DZIP1: variants seen among roughly 807,000 people sequenced by gnomAD.
The protein encoded by DZIP1 is DAZ interacting zinc finger protein 1.
DZIP1 carries 97 observed loss-of-function variants against 107.6 expected under a neutral mutation model. The observed-to-expected ratio is 0.90, with a 90% CI of 0.77 to 1.07. The LOEUF is 1.07. Among genes scored for constraint, DZIP1 ranks in the 50% least tolerant of loss-of-function variants. The pLI is 0.00. For missense variants in DZIP1, 1,035 were observed against 1,063.6 expected (o/e 0.97, Z 0.37); for synonymous variants, 390 against 386.4 (o/e 1.01, Z -0.11).
At position 95,597,902 on chromosome 13, in the gene DZIP1, G is replaced by A. The variant is rs191758434; in HGVS notation, c.1537+1463C>T. Among the ~76,000 whole-genome samples the A allele has an allele frequency of 2.1e-3, 320 of 152,244 alleles. 1 individual carries two copies. The highest frequency in any genetic ancestry group is 3.6e-3 in the Admixed American group (55 of 15,306). On this transcript the variant is annotated intron_variant, in intron 15 of 22. Transcript: ENST00000376829. Reference sequence around the variant, plus strand: ...AATAGTGCAGCTTGAACAAGTCAGCGTCTGTGGAATCGATTCAGCCTGCAG... The same window carrying A: ...AATAGTGCAGCTTGAACAAGTCAGCATCTGTGGAATCGATTCAGCCTGCAG...
intron 6 of DZIP1, chr13:95,630,952 C>A: frequency 3.4e-6 from 1 of 295,588 alleles, no homozygotes; most frequent in Non-Finnish European, 6.6e-6. Context: ...TTTCATCTTT[C>A]CAAAATATTG....
Position 95,578,275 on chromosome 13 carries a change from A to C in DZIP1, c.*3959T>G. On this transcript the variant is annotated 3_prime_UTR_variant, in exon 23 of 23. Transcript: ENST00000376829. ...TTTTCTACATTTATATAGAACATGA[A>C]AAGCATTTAGTACCAAAGGTTCAAG... is the stretch of plus-strand genomic sequence containing the variant. 3.7e-6 allele frequency: 1 copy of C among 269,036 alleles called. No homozygotes were observed. The highest frequency in any genetic ancestry group is 7.0e-6 in the Non-Finnish European group (1 of 142,152). 16.7% of individuals were successfully genotyped at this position (269,036 alleles called of 1,614,324 possible).
chr13:95,604,869 T>G (rs1283157246), intron 14 of DZIP1, among the ~76,000 whole-genome samples: 2 of 152,202 alleles, frequency 1.3e-5, no homozygotes, highest in Non-Finnish European at 2.9e-5. Flanking sequence ...GAATACAGAA[T>G]GATTGCTAGA....
intron 17 of DZIP1, 147 bp downstream of exon 17, chr13:95,590,132 A>G: frequency 9.7e-7 from 1 of 1,028,594 alleles, no homozygotes. Flanking sequence ...TAGTACAAAC[A>G]GTAAAAGAGT....
intron 10 of DZIP1, among the ~76,000 whole-genome samples, chr13:95,616,434 A>G (rs925986424): frequency 3.9e-5 from 6 of 152,200 alleles, no homozygotes; most frequent in Admixed American, 3.9e-4. Context: ...GTGAGTGCCA[A>G]CCACATTTCA....
intron 10 of DZIP1, among the ~76,000 whole-genome samples, chr13:95,616,633 A>G (rs898062629): frequency 4.6e-5 from 7 of 152,212 alleles, no homozygotes; most frequent in African/African-American, 1.7e-4. Flanking sequence ...GGGACTACCT[A>G]CTTGGATAGA....
At chr13:95,602,160 A>T (rs1455693359) in intron 14 of DZIP1, among the ~76,000 whole-genome samples, 1 of 152,126 alleles carries the variant, frequency 6.6e-6, no homozygotes, top group Non-Finnish European at 1.5e-5. Flanking sequence ...AACGCCCTCA[A>T]CCAACCTCAC....
chr13:95,595,214 AC>A (rs2044413113), intron 15 of DZIP1, among the ~76,000 whole-genome samples: 1 of 152,198 alleles, frequency 6.6e-6, no homozygotes, highest in African/African-American at 2.4e-5. Flanking sequence ...TAATACCCAT[AC>A]TACTTGGATT....
rs1309515850 is a variant in DZIP1 at position 95,580,684 on chromosome 13, A to G, written c.*1550T>C. On this transcript the variant is annotated 3_prime_UTR_variant, in exon 23 of 23. Coordinates refer to ENST00000376829, the MANE Select transcript of DZIP1 (RefSeq NM_198968.4). ...AAAACCAAACCAGACCAAGTGGTTC[A>G]ATAAATATCTGCTGAATAAATAAAT... 2.0e-5 allele frequency: 3 copies of G among 152,228 alleles called. No individual in the cohort carries two copies. The highest frequency in any genetic ancestry group is 7.2e-5 in the African/African-American group (3 of 41,452). 9.4% of individuals were successfully genotyped at this position (152,228 alleles called of 1,614,324 possible).
intron 22 of DZIP1, among the ~76,000 whole-genome samples, chr13:95,583,434 C>T (rs561505996): frequency 6.6e-6 from 1 of 152,190 alleles, no homozygotes; most frequent in East Asian, 1.9e-4. Flanking sequence ...AAGGCCATTA[C>T]TGAGAGGCAC....
At chr13:95,613,202 T>TA (rs1206679185) in intron 10 of DZIP1, among the ~76,000 whole-genome samples, 2 of 152,088 alleles carry the variant, frequency 1.3e-5, no homozygotes, top group Non-Finnish European at 2.9e-5. Context: ...CACAGAAGGC[T>TA]AAAAAGAAAC....
intron 6 of DZIP1, among the ~76,000 whole-genome samples, chr13:95,631,068 G>A (rs1202509517): frequency 1.3e-5 from 2 of 152,058 alleles, no homozygotes. Context: ...AACTGAAATG[G>A]GCAAGAATGG....
intron 7 of DZIP1, 31 bp from the exon 8 acceptor site, chr13:95,624,960 G>A (rs371467004): frequency 1.6e-5 from 25 of 1,542,598 alleles, no homozygotes; most frequent in African/African-American, 2.8e-5. Flanking sequence ...ATCTTTAAAA[G>A]TTCTGGTCTG....
chr13:95,583,575 A>T (rs977974331), intron 22 of DZIP1, among the ~76,000 whole-genome samples: 3 of 152,166 alleles, frequency 2.0e-5, no homozygotes, highest in Non-Finnish European at 4.4e-5. Context: ...TTACTAAGTT[A>T]TTGGGCTTAT....
At position 95,593,291 on chromosome 13, in the gene DZIP1, A is replaced by T. The variant is rs180770904; in HGVS notation, c.1680+653T>A. Among the ~76,000 whole-genome samples, 377 of 152,306 alleles carry T rather than the reference A, an allele frequency of 2.5e-3. 2 individuals are homozygous for T. The highest frequency in any genetic ancestry group is 8.8e-3 in the African/African-American group (364 of 41,580). On this transcript the variant is annotated intron_variant, in intron 16 of 22. Transcript: ENST00000376829. Reference sequence around the variant, plus strand: ...TACATAGCTACATGCACACATACACACTATACACATCCACGTGTGTGCCCA... The same window carrying T: ...TACATAGCTACATGCACACATACACTCTATACACATCCACGTGTGTGCCCA...
At chr13:95,589,646 G>A (rs2044258381) in intron 18 of DZIP1, among the ~76,000 whole-genome samples, 157 bp downstream of exon 18, 1 of 152,218 alleles carries the variant, frequency 6.6e-6, no homozygotes, top group Admixed American at 6.5e-5. Context: ...GCCTTCACCG[G>A]AACCTGACTA....
intron 21 of DZIP1, among the ~76,000 whole-genome samples, chr13:95,585,737 T>C (rs1045791900): frequency 1.3e-5 from 2 of 152,232 alleles, no homozygotes; most frequent in Admixed American, 1.3e-4. Flanking sequence ...ACAAACCATT[T>C]GATATCTGCA....
chr13:95,602,505 A>G (rs574590443), intron 14 of DZIP1, among the ~76,000 whole-genome samples: 2 of 152,172 alleles, frequency 1.3e-5, no homozygotes, highest in Non-Finnish European at 2.9e-5. Flanking sequence ...ATTCATTTCT[A>G]TATCTCTGTC....
At chr13:95,624,203 C>G (rs1410600325) in intron 8 of DZIP1, among the ~76,000 whole-genome samples, 2 of 152,180 alleles carry the variant, frequency 1.3e-5, no homozygotes, top group African/African-American at 2.4e-5. Flanking sequence ...CAAGTCTAAC[C>G]AGGGAGCTTA....
Sources: gnomAD v4.1 joint callset for allele counts (sites outside exome capture counted in the v4.1 genomes callset) on GRCh38, gnomAD v4.1.1 for gene constraint, MANE v1.5 for transcripts, NCBI Gene and HGNC (gene_info 2026-07-23, HGNC 2026-07-21) for gene names.